The following ATL2 variants were observed in gnomAD, a reference collection of about 807,000 sequenced individuals.
ATL2 encodes atlastin GTPase 2.
In ATL2, 31 loss-of-function variants were observed where a neutral mutation model predicts 73.9. The ratio of observed to expected loss-of-function variants is 0.42; its 90% CI spans 0.32 to 0.57. The LOEUF is 0.57. ATL2 is among the 20% of genes least tolerant of loss of function. ATL2 has a pLI of 0.14. For missense variants in ATL2, 738 were observed against 702.6 expected (o/e 1.05, Z -0.57); for synonymous variants, 291 against 237.5 (o/e 1.23, Z -2.07).
At chr2:38,299,833 C>A (rs1667091643) in intron 10 of ATL2, among the ~76,000 whole-genome samples, 1 of 152,106 alleles carries the variant, frequency 6.6e-6, no homozygotes, top group African/African-American at 2.4e-5. Flanking sequence ...TCCCAAAAGA[C>A]CACCATTTGA....
intron 2 of ATL2, among the ~76,000 whole-genome samples, chr2:38,319,658 T>TA: frequency 6.6e-6 from 1 of 151,176 alleles, no homozygotes. Flanking sequence ...CCTAAAATGT[T>TA]AAAAATCATA....
chr2:38,302,338 A>T (rs1394816934), intron 9 of ATL2, among the ~76,000 whole-genome samples: 1 of 151,924 alleles, frequency 6.6e-6, no homozygotes, highest in African/African-American at 2.4e-5. Flanking sequence ...TCACACCTGT[A>T]ATCCCAGCAA....
chr2:38,360,189 G>A (rs77229428), intron 1 of ATL2, among the ~76,000 whole-genome samples: 1,678 of 149,004 alleles, frequency 0.011, 13 homozygotes, highest in Non-Finnish European at 0.016. Context: ...TTTAAATGAC[G>A]TTAAAATTTA....
intron 1 of ATL2, among the ~76,000 whole-genome samples, chr2:38,364,356 G>A (rs183272455): frequency 2.0e-5 from 3 of 152,328 alleles, no homozygotes; most frequent in East Asian, 1.9e-4. Flanking sequence ...CAGAGCAGAG[G>A]AGAGAGAGTC....
Position 38,314,598 on chromosome 2 carries a change from ACTT to A in ATL2, c.711+7_711+9del. On this transcript the variant is annotated splice_region_variant and intron_variant, in intron 6 of 12. Transcript: ENST00000378954. ...GGCTAATCTTTAAAATGTTAGAATA[ACTT>A]TTTTACCTGAAATGGTTTCTGGTAG... The A allele has an allele frequency of 1.3e-6, 2 of 1,588,292 alleles. No homozygotes were observed. Among genetic ancestry groups the A allele is most frequent in the Middle Eastern group, 1.7e-4 (1 of 5,996 alleles).
chr2:38,320,414 A>G (rs1668255970), intron 2 of ATL2, among the ~76,000 whole-genome samples: 1 of 152,198 alleles, frequency 6.6e-6, no homozygotes, highest in South Asian at 2.1e-4. Flanking sequence ...CAGATAAAAC[A>G]AGACCAGCAA....
intron 1 of ATL2, among the ~76,000 whole-genome samples, chr2:38,349,530 G>T (rs565417525): frequency 6.9e-4 from 74 of 106,620 alleles, no homozygotes; most frequent in African/African-American, 2.5e-3. Flanking sequence ...TTGTGGGGTG[G>T]GGGGAGGGGG....
At position 38,318,609 on chromosome 2, in the gene ATL2, C is replaced by A; in HGVS notation, c.529G>T (p.Ala177Ser). Reference protein sequence around the residue: ...VAVLLMDTQGAFDSQSTIKDC... With the variant: ...VAVLLMDTQGSFDSQSTIKDC... The stretch of plus-strand genomic sequence containing the variant: ...TTGATAGTTGACTGGCTATCAAAGG[C>A]ACCCTGGGTATCCATAAGCAGCACA... The change falls in exon 4 of 13, where the codon GCC becomes TCC. Residue 177 changes from alanine (A) to serine (S), a missense_variant. Ala to Ser is a moderately conservative substitution (Grantham distance 99). Transcript: ENST00000378954. The A allele has an allele frequency of 6.2e-7, 1 of 1,611,932 alleles. No individual in the cohort carries two copies. The highest frequency in any genetic ancestry group is 1.3e-5 in the African/African-American group (1 of 74,840).
In ATL2 at chr2:38,309,512, A is replaced by C. The variant is rs749699468; in HGVS notation, c.944-6T>G. The C allele has an allele frequency of 6.8e-6, 11 of 1,606,716 alleles. 1 individual carries two copies. In the South Asian group the frequency reaches 1.2e-4, roughly 18 times the overall value. On this transcript the variant is annotated splice_polypyrimidine_tract_variant and splice_region_variant and intron_variant, in intron 8 of 12. Transcript: ENST00000378954. ...TTTAAAGTCTTCATCAATATCTAGA[A>C]AACAAAAAATTGAGCAACATATTAG...
At chr2:38,376,309 AG>A in intron 1 of ATL2, 2 of 1,283,578 alleles carry the variant, frequency 1.6e-6, no homozygotes, top group South Asian at 4.2e-5. Flanking sequence ...TGCGTCTTCG[AG>A]GGGGCAGGGG....
intron 2 of ATL2, among the ~76,000 whole-genome samples, chr2:38,338,680 A>G (rs1444984515): frequency 6.6e-6 from 1 of 152,164 alleles, no homozygotes; most frequent in Non-Finnish European, 1.5e-5. Flanking sequence ...GGTGGAATTA[A>G]TGACTAAAAA....
chr2:38,310,165 C>T (rs1667669903), intron 8 of ATL2, 144 bp downstream of exon 8: 3 of 899,526 alleles, frequency 3.3e-6, no homozygotes, highest in Non-Finnish European at 5.0e-6. Context: ...AGAAACAACA[C>T]AGAGCATTAC....
At chr2:38,336,057 A>G (rs1359901765) in intron 2 of ATL2, among the ~76,000 whole-genome samples, 1 of 152,154 alleles carries the variant, frequency 6.6e-6, no homozygotes, top group Non-Finnish European at 1.5e-5. Flanking sequence ...AAATAAAAAG[A>G]CCCAAGGAAG....
intron 1 of ATL2, 61 bp downstream of exon 1, chr2:38,377,082 C>A: frequency 6.5e-7 from 1 of 1,529,396 alleles, no homozygotes; most frequent in South Asian, 1.1e-5. Flanking sequence ...TGCCCGCGAG[C>A]CCGAGCAGCG....
intron 2 of ATL2, among the ~76,000 whole-genome samples, chr2:38,323,806 G>A (rs1274987798): frequency 6.6e-6 from 1 of 152,124 alleles, no homozygotes; most frequent in Non-Finnish European, 1.5e-5. Flanking sequence ...GACATCCTGG[G>A]CTCAAGTGAT....
intron 2 of ATL2, among the ~76,000 whole-genome samples, chr2:38,321,564 C>T (rs1244702169): frequency 6.6e-6 from 1 of 152,144 alleles, no homozygotes; most frequent in Non-Finnish European, 1.5e-5. Context: ...GCAACTCCTG[C>T]TCTATCCTCT....
chr2:38,342,089 A>G (rs191119436), intron 2 of ATL2, among the ~76,000 whole-genome samples: 22 of 152,270 alleles, frequency 1.4e-4, no homozygotes, highest in Non-Finnish European at 2.2e-4. Context: ...TTATCAGAAA[A>G]ACATTCCAAC....
intron 2 of ATL2, among the ~76,000 whole-genome samples, chr2:38,327,839 G>C (rs1211087744): frequency 6.6e-6 from 1 of 152,162 alleles, no homozygotes; most frequent in African/African-American, 2.4e-5. Flanking sequence ...AGGAGGCTAA[G>C]GCAGAAGAAC....
At position 38,343,396 on chromosome 2, in the gene ATL2, C is replaced by T. The variant is rs1327612051; in HGVS notation, c.235G>A (p.Ala79Thr). 1.2e-6 allele frequency: 2 copies of T among 1,612,624 alleles called. No individual in the cohort carries two copies. The highest frequency in any genetic ancestry group is 1.7e-5 in the Admixed American group (1 of 59,746). ...TCCTGTAGCAATATCTGCTCCAAAG[C>T]TTCTTCATCAAGTTCAAAGTTATGG... ...DDHNFELDEE[A>T]LEQILLQEHI... Residue 79 changes from alanine to threonine, a missense_variant, in exon 2 of 13, where the codon GCT (alanine) becomes ACT (threonine). Coordinates refer to ENST00000378954, the MANE Select transcript of ATL2 (RefSeq NM_001135673.4).
Sources: allele counts gnomAD v4.1 joint callset (sites outside exome capture counted in the v4.1 genomes callset), GRCh38; gene constraint gnomAD v4.1.1; transcripts MANE v1.5; gene names NCBI Gene and HGNC (gene_info 2026-07-23, HGNC 2026-07-21).